The following PACRG variants were observed in gnomAD, a reference collection of about 807,000 sequenced individuals.
The protein encoded by PACRG is parkin coregulated.
Under a neutral mutation model 29.7 loss-of-function variants are expected in PACRG, and 29 were observed. The ratio of observed to expected loss-of-function variants is 0.98; its 90% CI spans 0.73 to 1.33. PACRG has a LOEUF of 1.33. PACRG is among the 40% of genes most tolerant of loss of function. The pLI is 0.00. For missense variants in PACRG, 279 were observed against 316.2 expected (o/e 0.88, Z 0.89); for synonymous variants, 116 against 118.7 (o/e 0.98, Z 0.15).
chr6:163,210,076 C>T (rs1232762424), intron 4 of PACRG, among the ~76,000 whole-genome samples: 3 of 152,102 alleles, frequency 2.0e-5, no homozygotes, highest in Non-Finnish European at 4.4e-5. Flanking sequence ...CCATTGTCAC[C>T]CGTCATGCTC....
intron 2 of PACRG, among the ~76,000 whole-genome samples, chr6:162,920,139 A>T (rs554460035): frequency 4.7e-5 from 7 of 149,236 alleles, no homozygotes; most frequent in Admixed American, 4.6e-4. Context: ...ATGAAGAGCT[A>T]ATGGGAGGAG....
chr6:163,040,660 G>A (rs1226110551), intron 2 of PACRG, among the ~76,000 whole-genome samples: 1 of 152,192 alleles, frequency 6.6e-6, no homozygotes, highest in Non-Finnish European at 1.5e-5. Context: ...TGGAGTCAAA[G>A]GAGATTTTGG....
intron 2 of PACRG, among the ~76,000 whole-genome samples, chr6:162,831,551 C>T (rs1432690900): frequency 1.3e-5 from 2 of 152,158 alleles, no homozygotes; most frequent in African/African-American, 2.4e-5. Flanking sequence ...AGATTTGTTA[C>T]ATAGGTAAAT....
chr6:162,958,884 TAGAGAGAGAGAG>T (rs200270873), intron 2 of PACRG, among the ~76,000 whole-genome samples: 65 of 21,086 alleles, frequency 3.1e-3, no homozygotes, highest in Admixed American at 7.0e-3. Flanking sequence ...TATATATATA[TAGAGAGAGAGAG>T]AGAGAGAGAG....
intron 2 of PACRG, among the ~76,000 whole-genome samples, chr6:163,058,470 G>T (rs1332858640): frequency 2.0e-5 from 3 of 152,114 alleles, no homozygotes; most frequent in Non-Finnish European, 4.4e-5. Flanking sequence ...GTACAAACAG[G>T]TCATAAAAAG....
intron 3 of PACRG, among the ~76,000 whole-genome samples, chr6:163,072,371 A>T (rs991908619): frequency 6.6e-6 from 1 of 152,174 alleles, no homozygotes; most frequent in East Asian, 1.9e-4. Flanking sequence ...TGATCCTTTC[A>T]ATTTGTCCTG....
At chr6:163,012,801 G>A (rs866552347) in intron 2 of PACRG, among the ~76,000 whole-genome samples, 4 of 152,178 alleles carry the variant, frequency 2.6e-5, no homozygotes, top group African/African-American at 7.2e-5. Flanking sequence ...CACCATCTCC[G>A]CTTCACCTTT....
At chr6:163,243,758 T>C (rs969751693) in intron 4 of PACRG, among the ~76,000 whole-genome samples, 3 of 152,194 alleles carry the variant, frequency 2.0e-5, no homozygotes, top group African/African-American at 7.2e-5. Flanking sequence ...AAATTTATTA[T>C]CTAATTTAGA....
At chr6:163,147,799 C>G (rs528447520) in intron 4 of PACRG, among the ~76,000 whole-genome samples, 10 of 152,264 alleles carry the variant, frequency 6.6e-5, no homozygotes, top group African/African-American at 2.4e-4. Flanking sequence ...GTTCACTATC[C>G]CAGCCACGCT....
chr6:162,793,895 G>A (rs1001871944), intron 1 of PACRG, among the ~76,000 whole-genome samples: 13 of 152,226 alleles, frequency 8.5e-5, no homozygotes, highest in African/African-American at 2.6e-4. Context: ...TGGATACTGG[G>A]CTTAATACCT....
intron 4 of PACRG, among the ~76,000 whole-genome samples, chr6:163,268,405 A>AAAAAAAAAGAAAAAAG (rs1783616593): frequency 2.1e-5 from 3 of 143,694 alleles, no homozygotes; most frequent in Admixed American, 7.3e-5. Flanking sequence ...GTCTCAAAGA[A>AAAAAAAAAGAAAAAAG]AAAAAAAAAG....
chr6:162,826,532 C>T (rs1050947648), intron 2 of PACRG, among the ~76,000 whole-genome samples: 8 of 149,018 alleles, frequency 5.4e-5, no homozygotes, highest in South Asian at 2.1e-4. Context: ...GGTGCAATCT[C>T]GGCTCATCGC....
chr6:162,757,371 CCA>C lies in PACRG; in HGVS notation c.156+28986_156+28987del, dbSNP rs564572199. On this transcript the variant is annotated intron_variant, in intron 1 of 4. Coordinates refer to ENST00000366888, the MANE Select transcript of PACRG (RefSeq NM_001080379.2). ...ACATTATATAAATATAACATGGGGG[CCA>C]CACACTGTGGCTCACGCCTGTAATC... Among the ~76,000 whole-genome samples the C allele has an allele frequency of 2.2e-3, 333 of 152,180 alleles. 1 individual carries two copies. Among genetic ancestry groups the C allele is most frequent in the African/African-American group, 7.5e-3 (313 of 41,502 alleles).
At chr6:163,204,185 T>C (rs1264390655) in intron 4 of PACRG, among the ~76,000 whole-genome samples, 3 of 152,238 alleles carry the variant, frequency 2.0e-5, no homozygotes, top group African/African-American at 4.8e-5. Context: ...GGTAATAGTG[T>C]TTGCAGATCT....
chr6:162,852,161 A>G (rs9456814), intron 2 of PACRG, among the ~76,000 whole-genome samples: 75,517 of 152,096 alleles, frequency 0.5, 20,521 homozygotes, highest in African/African-American at 0.73. Context: ...TGATGACTCT[A>G]GAACCCAGGG....
At chr6:162,927,969 A>G (rs1368701652) in intron 2 of PACRG, among the ~76,000 whole-genome samples, 3 of 151,966 alleles carry the variant, frequency 2.0e-5, no homozygotes, top group Non-Finnish European at 4.4e-5. Context: ...GTTCATTGCT[A>G]ATATTGGCTT....
intron 1 of PACRG, among the ~76,000 whole-genome samples, chr6:162,790,094 A>G (rs2128325090): frequency 6.6e-6 from 1 of 152,312 alleles, no homozygotes; most frequent in Middle Eastern, 3.4e-3. Context: ...AAAGTAGCAA[A>G]TTATATCTAA....
intron 2 of PACRG, among the ~76,000 whole-genome samples, chr6:162,841,560 T>G (rs539188474): frequency 1.4e-3 from 218 of 152,142 alleles, no homozygotes; most frequent in Middle Eastern, 3.4e-3. Flanking sequence ...CTGGATTCAT[T>G]AATTTTTTGA....
chr6:163,110,246 G>A (rs541553364), intron 4 of PACRG, among the ~76,000 whole-genome samples: 1 of 152,232 alleles, frequency 6.6e-6, no homozygotes, highest in African/African-American at 2.4e-5. Context: ...ACCTGGTACA[G>A]ATGGGGTTAT....
Sources: allele counts gnomAD v4.1 joint callset (sites outside exome capture counted in the v4.1 genomes callset), GRCh38; gene constraint gnomAD v4.1.1; transcripts MANE v1.5; gene names NCBI Gene and HGNC (gene_info 2026-07-23, HGNC 2026-07-21).